Variants in RANBP2 observed in about 807,000 individuals in gnomAD.
The protein encoded by RANBP2 is RAN binding protein 2.
In RANBP2, 57 loss-of-function variants were observed where a neutral mutation model predicts 303.6. That is an observed-to-expected ratio of 0.19 (90% CI 0.15 to 0.23). The LOEUF is 0.23. RANBP2 is among the 10% of genes least tolerant of loss of function. RANBP2 has a pLI of 1.00. For synonymous variants in RANBP2, 1,167 were observed against 1,301.5 expected (o/e 0.90, Z 2.23); for missense variants, 3,138 against 3,780.8 (o/e 0.83, Z 4.46).
chr2:109,307,432 TATTA>T, the RANBP2 span, among the ~76,000 whole-genome samples: 31 of 132,218 alleles, frequency 2.3e-4, no homozygotes, highest in Admixed American at 4.4e-4. Context: ...TTTTTTTTTT[TATTA>T]TTATACTTTA....
At chr2:108,873,498 C>T in the RANBP2 span, 21 of 1,606,580 alleles carry the variant, frequency 1.3e-5, no homozygotes, top group East Asian at 6.7e-5. Flanking sequence ...TTTATTTTTT[C>T]GTACTTGCTC....
chr2:109,677,574 C>A, the RANBP2 span, among the ~76,000 whole-genome samples: 1 of 152,148 alleles, frequency 6.6e-6, no homozygotes, highest in African/African-American at 2.4e-5. Flanking sequence ...AAGCAAAGCA[C>A]TTAAAAATCC....
the RANBP2 span, chr2:108,873,694 A>G: frequency 4.4e-6 from 3 of 675,742 alleles, no homozygotes; most frequent in African/African-American, 1.8e-5. Flanking sequence ...CACTGGATGA[A>G]GAAGAATTGC....
chr2:109,317,351 C>T, the RANBP2 span, among the ~76,000 whole-genome samples: 94 of 152,210 alleles, frequency 6.2e-4, no homozygotes, highest in African/African-American at 2.2e-3. Flanking sequence ...GGGCAGGTGC[C>T]GCCCCAGCCC....
chr2:109,663,522 T>C, the RANBP2 span, among the ~76,000 whole-genome samples: 5 of 152,206 alleles, frequency 3.3e-5, no homozygotes, highest in Non-Finnish European at 5.9e-5. Context: ...GTTGTGCTCT[T>C]GCATAGAGCA....
At chr2:108,813,180 C>T in the RANBP2 span, among the ~76,000 whole-genome samples, 2 of 122,788 alleles carry the variant, frequency 1.6e-5, no homozygotes, top group African/African-American at 6.1e-5. Flanking sequence ...ACCTGGGAGG[C>T]GGAGGTTGCA....
At chr2:109,593,459 G>A in the RANBP2 span, among the ~76,000 whole-genome samples, 1 of 141,538 alleles carries the variant, frequency 7.1e-6, no homozygotes, top group Admixed American at 7.8e-5. Context: ...AGACTGGAGT[G>A]CAATGGCATG....
chr2:109,205,791 G>A, the RANBP2 span, among the ~76,000 whole-genome samples: 5 of 152,262 alleles, frequency 3.3e-5, no homozygotes, highest in African/African-American at 9.6e-5. Context: ...CTGAAGCAGC[G>A]GGGGGATCAG....
the RANBP2 span, among the ~76,000 whole-genome samples, chr2:109,733,851 A>G: frequency 6.6e-6 from 1 of 151,152 alleles, no homozygotes; most frequent in Non-Finnish European, 1.5e-5. Flanking sequence ...CAGCCTAGAC[A>G]ACAGAGCCAG....
the RANBP2 span, among the ~76,000 whole-genome samples, chr2:108,793,081 G>A: frequency 6.9e-6 from 1 of 145,234 alleles, no homozygotes; most frequent in African/African-American, 2.6e-5. Context: ...AGCAAGGCCG[G>A]GCACGGTGGC....
chr2:108,794,504 A>G, the RANBP2 span: 17 of 1,551,964 alleles, frequency 1.1e-5, no homozygotes, highest in African/African-American at 2.7e-5. Flanking sequence ...CAATAAGTTA[A>G]TAAAGTTTAT....
At chr2:109,021,555 G>C in the RANBP2 span, among the ~76,000 whole-genome samples, 19 of 151,010 alleles carry the variant, frequency 1.3e-4, no homozygotes, top group Non-Finnish European at 1.5e-5. Context: ...CTGACAAAGA[G>C]GGACTTTCCC....
the RANBP2 span, among the ~76,000 whole-genome samples, chr2:109,587,913 C>CAA: frequency 3.0e-5 from 4 of 134,914 alleles, no homozygotes; most frequent in African/African-American, 1.1e-4. Context: ...ACTCCATCTC[C>CAA]AAAAAAAAAA....
the RANBP2 span, among the ~76,000 whole-genome samples, chr2:109,057,777 A>C: frequency 0.012 from 1,849 of 152,168 alleles, 40 homozygotes; most frequent in African/African-American, 0.042. Flanking sequence ...CCGCCCCGGG[A>C]CAAAGAAGAG....
the RANBP2 span, among the ~76,000 whole-genome samples, chr2:109,054,813 C>T: frequency 6.6e-6 from 1 of 152,146 alleles, no homozygotes; most frequent in Admixed American, 6.5e-5. Context: ...TTCCCTTGTC[C>T]CTTCCCTGCC....
chr2:109,659,102 C>T, the RANBP2 span, among the ~76,000 whole-genome samples: 28 of 149,868 alleles, frequency 1.9e-4, no homozygotes, highest in African/African-American at 4.9e-4. Flanking sequence ...CACAGCCAAG[C>T]GCAGTGGCTT....
At chr2:108,787,290 A>G (rs1357636045), downstream of RANBP2, among the ~76,000 whole-genome samples, 1 of 152,220 alleles carries the variant, frequency 6.6e-6, no homozygotes, top group Non-Finnish European at 1.5e-5. Flanking sequence ...AGTATTACCA[A>G]GAATTCCCTT....
chr2:108,983,992 C>T, the RANBP2 span, among the ~76,000 whole-genome samples: 6 of 152,308 alleles, frequency 3.9e-5, no homozygotes, highest in African/African-American at 7.2e-5. Flanking sequence ...GCAAGGGGGG[C>T]GACGGCGATG....
At chr2:108,922,312 A>T in the RANBP2 span, among the ~76,000 whole-genome samples, 1 of 152,260 alleles carries the variant, frequency 6.6e-6, no homozygotes, top group African/African-American at 2.4e-5. Flanking sequence ...GGGCCATGGC[A>T]GCTGGCTTCA....
Sources: allele counts gnomAD v4.1 joint callset (sites outside exome capture counted in the v4.1 genomes callset), GRCh38; gene constraint gnomAD v4.1.1; transcripts MANE v1.5; gene names NCBI Gene and HGNC (gene_info 2026-07-23, HGNC 2026-07-21).